DCDC1: variants seen among roughly 807,000 people sequenced by gnomAD.
The protein encoded by DCDC1 is doublecortin domain-containing protein 1.
Under a neutral mutation model 178.3 loss-of-function variants are expected in DCDC1, and 200 were observed. That is an observed-to-expected ratio of 1.12 (90% confidence interval 1.00 to 1.26). The LOEUF is 1.26. Among genes scored for constraint, DCDC1 ranks in the 50% most tolerant of loss-of-function variants. The pLI is 0.00. For missense variants in DCDC1, 1,983 were observed against 1,749.2 expected (o/e 1.13, Z -2.38); for synonymous variants, 690 against 604.8 (o/e 1.14, Z -2.07).
At chr11:31,285,122 TATA>T (rs1366765441) in intron 7 of DCDC1, among the ~76,000 whole-genome samples, 1 of 152,008 alleles carries the variant, frequency 6.6e-6, no homozygotes, top group African/African-American at 2.4e-5. Flanking sequence ...AATAATTACT[TATA>T]ATATTCTAAA....
chr11:31,167,634 C>A lies in DCDC1; in HGVS notation c.1222-29850G>T, dbSNP rs1438302036. Among the ~76,000 whole-genome samples, 3 of 152,138 alleles carry A rather than the reference C, an allele frequency of 2.0e-5. No homozygotes were observed. In the East Asian group the frequency reaches 5.8e-4, roughly 29 times the overall value. ...AATCTAATCCTTCTATTTTATTACA[C>A]CATTCTTTCTATAGAGCACTGACCA... On this transcript the variant is annotated intron_variant, in intron 9 of 38. Coordinates refer to ENST00000684477, the MANE Select transcript of DCDC1 (RefSeq NM_001387274.1).
At chr11:30,876,560 A>T (rs917799244) in intron 38 of DCDC1, among the ~76,000 whole-genome samples, 1 of 152,200 alleles carries the variant, frequency 6.6e-6, no homozygotes, top group Non-Finnish European at 1.5e-5. Context: ...ATTTACTAGT[A>T]ATAGAAAAGT....
chr11:31,347,480 C>T (rs922695798), intron 1 of DCDC1, among the ~76,000 whole-genome samples: 1 of 152,098 alleles, frequency 6.6e-6, no homozygotes, highest in Non-Finnish European at 1.5e-5. Context: ...CATTACCAGG[C>T]ACACTAAATC....
intron 9 of DCDC1, among the ~76,000 whole-genome samples, chr11:31,189,531 T>C (rs540345353): frequency 1.3e-5 from 2 of 152,306 alleles, no homozygotes; most frequent in East Asian, 1.9e-4. Context: ...AAATTAATTA[T>C]CTGAAAGCTC....
At chr11:31,185,298 T>TA in intron 9 of DCDC1, among the ~76,000 whole-genome samples, 1 of 152,164 alleles carries the variant, frequency 6.6e-6, no homozygotes, top group South Asian at 2.1e-4. Context: ...TTAGGAGAAA[T>TA]ACCTAATGTA....
At chr11:31,071,648 A>C (rs1395155718) in intron 18 of DCDC1, among the ~76,000 whole-genome samples, 1 of 152,156 alleles carries the variant, frequency 6.6e-6, no homozygotes, top group Non-Finnish European at 1.5e-5. Flanking sequence ...ATTCAGTCAC[A>C]TCATGGCCCT....
In DCDC1 at chr11:31,134,862, G is replaced by A. The variant is rs181491544; in HGVS notation, c.1314+2830C>T. ...AATTTTTAAATGAGCTGGACATGGTGGTATATGCCTAAAGTCCCAGCTACT... is the reference window on the plus strand; with the variant it reads ...AATTTTTAAATGAGCTGGACATGGTAGTATATGCCTAAAGTCCCAGCTACT... On this transcript the variant is annotated intron_variant, in intron 10 of 38. Transcript: ENST00000684477. Among the ~76,000 whole-genome samples, 164 of 152,220 alleles carry A rather than the reference G, an allele frequency of 1.1e-3. 2 individuals are homozygous for A. The highest frequency in any genetic ancestry group is 3.7e-3 in the African/African-American group (152 of 41,538).
At chr11:30,927,325 C>T (rs979776968) in intron 22 of DCDC1, among the ~76,000 whole-genome samples, 1 of 151,280 alleles carries the variant, frequency 6.6e-6, no homozygotes, top group Admixed American at 6.6e-5. Context: ...ATTTTCTTCC[C>T]CAAAAGTTAG....
At chr11:31,281,332 T>TGAG (rs1565543390) in intron 7 of DCDC1, among the ~76,000 whole-genome samples, 1 of 144,794 alleles carries the variant, frequency 6.9e-6, no homozygotes. Context: ...ATTCTGATCT[T>TGAG]GAGGAAAACA....
chr11:31,354,142 C>T (rs1278610368), intron 1 of DCDC1, among the ~76,000 whole-genome samples: 10 of 151,990 alleles, frequency 6.6e-5, no homozygotes, highest in East Asian at 5.8e-4. Context: ...AAAAATTAGC[C>T]GGGTGTGGTG....
intron 9 of DCDC1, among the ~76,000 whole-genome samples, chr11:31,213,133 CT>C (rs1972921890): frequency 7.2e-6 from 1 of 139,440 alleles, no homozygotes; most frequent in Non-Finnish European, 1.6e-5. Flanking sequence ...CTCTCTCTCT[CT>C]CTCTCTCTCT....
At chr11:31,177,917 A>C (rs1968282533) in intron 9 of DCDC1, among the ~76,000 whole-genome samples, 1 of 152,162 alleles carries the variant, frequency 6.6e-6, no homozygotes, top group African/African-American at 2.4e-5. Flanking sequence ...ACTGCAATGC[A>C]ATAATAGTAG....
At chr11:31,124,972 T>C (rs1961388799) in intron 11 of DCDC1, among the ~76,000 whole-genome samples, 1 of 152,040 alleles carries the variant, frequency 6.6e-6, no homozygotes, top group African/African-American at 2.4e-5. Context: ...CAAAAGAAAC[T>C]ATCATCAGCA....
At chr11:31,156,463 TG>T (rs1457465439) in intron 9 of DCDC1, among the ~76,000 whole-genome samples, 1 of 152,096 alleles carries the variant, frequency 6.6e-6, no homozygotes, top group Non-Finnish European at 1.5e-5. Context: ...GAGGCACACA[TG>T]TAATTTTAAA....
At chr11:31,123,000 C>T (rs1029580391) in intron 11 of DCDC1, among the ~76,000 whole-genome samples, 22 of 151,988 alleles carry the variant, frequency 1.4e-4, no homozygotes, top group African/African-American at 5.1e-4. Flanking sequence ...CTCCACTCTG[C>T]CTGGTAATAT....
intron 38 of DCDC1, among the ~76,000 whole-genome samples, chr11:30,868,596 C>A (rs2133906276): frequency 6.6e-6 from 1 of 152,148 alleles, no homozygotes; most frequent in African/African-American, 2.4e-5. Flanking sequence ...TCTGGGCCTG[C>A]AGCACCCAGG....
At chr11:31,103,399 T>C (rs1185794880) in intron 14 of DCDC1, among the ~76,000 whole-genome samples, 1 of 152,228 alleles carries the variant, frequency 6.6e-6, no homozygotes, top group African/African-American at 2.4e-5. Context: ...TTGTTGTTTC[T>C]GCAAAGCAGA....
intron 20 of DCDC1, among the ~76,000 whole-genome samples, chr11:30,972,812 G>C (rs957577476): frequency 2.0e-5 from 3 of 152,108 alleles, no homozygotes; most frequent in Non-Finnish European, 4.4e-5. Flanking sequence ...ATATGGTTTG[G>C]ATCTGTGTCC....
At chr11:31,217,700 T>G (rs1013375787) in intron 9 of DCDC1, among the ~76,000 whole-genome samples, 2 of 152,144 alleles carry the variant, frequency 1.3e-5, no homozygotes, top group Non-Finnish European at 2.9e-5. Context: ...AGACAGGATA[T>G]TTTAAAAATA....
Sources: allele counts gnomAD v4.1 joint callset (sites outside exome capture counted in the v4.1 genomes callset), GRCh38; gene constraint gnomAD v4.1.1; transcripts MANE v1.5; gene names NCBI Gene and HGNC (gene_info 2026-07-23, HGNC 2026-07-21).